The following DPP10 variants were observed in gnomAD, a reference collection of about 807,000 sequenced individuals.
The protein encoded by DPP10 is inactive dipeptidyl peptidase 10.
In DPP10, 33 loss-of-function variants were observed where a neutral mutation model predicts 120.9. The observed-to-expected ratio is 0.27, with a 90% CI of 0.21 to 0.37. The LOEUF is 0.37. DPP10 is among the 10% of genes least tolerant of loss of function. The pLI is 1.00. For synonymous variants in DPP10, 337 were observed against 326.1 expected (o/e 1.03, Z -0.36); for missense variants, 816 against 942.8 (o/e 0.87, Z 1.76).
chr2:114,913,306 C>A (rs902037480), intron 1 of DPP10, among the ~76,000 whole-genome samples: 1 of 152,178 alleles, frequency 6.6e-6, no homozygotes, highest in Non-Finnish European at 1.5e-5. Flanking sequence ...CCTGCCATCA[C>A]CTACCACCCC....
chr2:114,939,777 C>G (rs992956925), intron 1 of DPP10, among the ~76,000 whole-genome samples: 4 of 152,128 alleles, frequency 2.6e-5, no homozygotes, highest in Non-Finnish European at 4.4e-5. Flanking sequence ...TCATTTCTCA[C>G]CCTGTCTGCT....
rs72959764 is a variant in DPP10 at position 115,476,225 on chromosome 2, G to A, written c.272-23285G>A. On this transcript the variant is annotated intron_variant, in intron 3 of 25. Coordinates refer to ENST00000410059, the MANE Select transcript of DPP10 (RefSeq NM_020868.6). ...GATCAACAGGGCAGATTTTCCTTTC[G>A]ATGTTGTTTTGTGATAATGAGTGAG... is the stretch of plus-strand genomic sequence containing the variant. Among the ~76,000 whole-genome samples, 404 of 152,150 alleles carry A rather than the reference G, an allele frequency of 2.7e-3. 2 individuals carry two copies. The highest frequency in any genetic ancestry group is 9.3e-3 in the African/African-American group (387 of 41,510).
At position 115,088,750 on chromosome 2, in the gene DPP10, C is replaced by CAAAA. The variant is rs70941027; in HGVS notation, c.61-220473_61-220470dup. On this transcript the variant is annotated intron_variant, in intron 1 of 25. Coordinates refer to ENST00000410059, the MANE Select transcript of DPP10 (RefSeq NM_020868.6). ...TACAGCTGTGAGCCACTGTGCCTGA[C>CAAAA]AAAAAAAAAAAAAAAAAAACCAAAA... 4.4e-3 allele frequency among the ~76,000 whole-genome samples: 289 copies of CAAAA among 65,024 alleles called. 13 individuals are homozygous for CAAAA. Among genetic ancestry groups the CAAAA allele is most frequent in the African/African-American group, 0.015 (265 of 17,922 alleles). 42.7% of individuals were successfully genotyped at this position (65,024 alleles called of 152,430 possible).
intron 1 of DPP10, among the ~76,000 whole-genome samples, chr2:115,304,112 A>G (rs1386412436): frequency 6.6e-6 from 1 of 152,126 alleles, no homozygotes; most frequent in East Asian, 1.9e-4. Context: ...TTGAAAATAT[A>G]AACACCATCA....
At chr2:115,454,736 GA>G (rs1460932863) in intron 3 of DPP10, among the ~76,000 whole-genome samples, 1 of 150,836 alleles carries the variant, frequency 6.6e-6, no homozygotes, top group Non-Finnish European at 1.5e-5. Context: ...CATTAAAAAG[GA>G]AAAAAAAGCA....
intron 5 of DPP10, among the ~76,000 whole-genome samples, chr2:115,665,680 C>A (rs79595861): frequency 0.02 from 3,011 of 151,986 alleles, 91 homozygotes; most frequent in African/African-American, 0.067. Context: ...TTTGGGTGTT[C>A]AGTTACACAT....
chr2:114,452,530 A>C (rs772099414), intron 1 of DPP10, among the ~76,000 whole-genome samples: 6 of 152,176 alleles, frequency 3.9e-5, no homozygotes, highest in Non-Finnish European at 7.4e-5. Context: ...TTAGAAAGGA[A>C]AAATAGGCAA....
At chr2:115,705,357 A>G (rs2092059901) in intron 7 of DPP10, among the ~76,000 whole-genome samples, 1 of 151,986 alleles carries the variant, frequency 6.6e-6, no homozygotes, top group Non-Finnish European at 1.5e-5. Flanking sequence ...GGATGTGTTC[A>G]AGAAATGTAT....
intron 13 of DPP10, among the ~76,000 whole-genome samples, chr2:115,771,314 T>G (rs1681442214): frequency 1.3e-5 from 2 of 152,080 alleles, no homozygotes; most frequent in Non-Finnish European, 2.9e-5. Context: ...CATCAGGTGA[T>G]CCACCTGCTT....
At chr2:115,495,815 G>T (rs1226117778) in intron 3 of DPP10, among the ~76,000 whole-genome samples, 1 of 152,136 alleles carries the variant, frequency 6.6e-6, no homozygotes, top group Non-Finnish European at 1.5e-5. Flanking sequence ...TGAGTCGAAT[G>T]TGTGTTCAGA....
At chr2:115,792,930 G>A (rs554902953) in intron 19 of DPP10, among the ~76,000 whole-genome samples, 98 of 152,300 alleles carry the variant, frequency 6.4e-4, no homozygotes, top group South Asian at 2.7e-3. Context: ...TTATGCAGAC[G>A]AATGTGTAGA....
rs34673352 is a variant in DPP10 at position 115,766,286 on chromosome 2, A to ATGTGTGTGTGTGTGTGTG, written c.1114-2003_1114-1986dup. Among the ~76,000 whole-genome samples the ATGTGTGTGTGTGTGTGTG allele has an allele frequency of 1.1e-3, 75 of 70,250 alleles. 4 individuals carry two copies. Among genetic ancestry groups the ATGTGTGTGTGTGTGTGTG allele is most frequent in the South Asian group, 3.4e-3 (5 of 1,476 alleles). The allele number at this position is 70,250 out of a possible 152,430, so 46.1% of individuals were successfully genotyped here. ...ATGAACAAAAATACTCATTATATAT[A>ATGTGTGTGTGTGTGTGTG]TGTGTGTGTGTGTGTGTGTGTGTGT... On this transcript the variant is annotated intron_variant, in intron 12 of 25. Transcript: ENST00000410059.
In DPP10 at chr2:115,110,204, T is replaced by A. The variant is rs200356153; in HGVS notation, c.61-199035T>A. Among the ~76,000 whole-genome samples the A allele has an allele frequency of 5.9e-5, 9 of 152,316 alleles. No individual in the cohort carries two copies. The East Asian group carries it at 1.7e-3, about 29-fold the overall frequency. ...AGACTAACTTTTTGGTGATCAACCA[T>A]TTCATAGTGATGACGAGGAAAGTCT... On this transcript the variant is annotated intron_variant, in intron 1 of 25. Coordinates refer to ENST00000410059, the MANE Select transcript of DPP10 (RefSeq NM_020868.6).
intron 1 of DPP10, among the ~76,000 whole-genome samples, chr2:115,269,449 G>A (rs1334260026): frequency 6.6e-6 from 1 of 152,116 alleles, no homozygotes; most frequent in Non-Finnish European, 1.5e-5. Context: ...TCTAAAATGA[G>A]GTTCCAGTTA....
chr2:114,753,764 C>T (rs1364384926), intron 1 of DPP10, among the ~76,000 whole-genome samples: 1 of 151,664 alleles, frequency 6.6e-6, no homozygotes, highest in African/African-American at 2.4e-5. Flanking sequence ...AAAAAATTAG[C>T]CAGGCGTGGT....
At chr2:115,040,628 T>C (rs1315038490) in intron 1 of DPP10, among the ~76,000 whole-genome samples, 1 of 151,818 alleles carries the variant, frequency 6.6e-6, no homozygotes, top group African/African-American at 2.4e-5. Context: ...ATCCCCAGCA[T>C]TGGAGGTGGG....
intron 1 of DPP10, among the ~76,000 whole-genome samples, chr2:115,180,645 A>G (rs1482906028): frequency 1.3e-5 from 2 of 152,216 alleles, no homozygotes; most frequent in Non-Finnish European, 2.9e-5. Context: ...GTCTTATGAC[A>G]TACCCAATGG....
At chr2:114,793,044 C>A (rs556314527) in intron 1 of DPP10, among the ~76,000 whole-genome samples, 2 of 148,102 alleles carry the variant, frequency 1.4e-5, no homozygotes, top group Admixed American at 6.7e-5. Flanking sequence ...CTATTAATAT[C>A]GTTGTTTATT....
intron 5 of DPP10, among the ~76,000 whole-genome samples, chr2:115,553,690 A>G (rs760891282): frequency 3.3e-5 from 5 of 151,986 alleles, no homozygotes; most frequent in African/African-American, 4.8e-5. Flanking sequence ...TATCTGCACT[A>G]TGATCTTTGT....
Sources: allele counts gnomAD v4.1 joint callset (sites outside exome capture counted in the v4.1 genomes callset), GRCh38; gene constraint gnomAD v4.1.1; transcripts MANE v1.5; gene names NCBI Gene and HGNC (gene_info 2026-07-23, HGNC 2026-07-21).